Variants in ZBTB10 observed in about 807,000 individuals in gnomAD.
ZBTB10 encodes the protein zinc finger and BTB domain-containing protein 10.
Under a neutral mutation model 76.4 loss-of-function variants are expected in ZBTB10, and 32 were observed. The observed-to-expected ratio is 0.42, with a 90% confidence interval of 0.32 to 0.56. The LOEUF is 0.56. ZBTB10 is among the 20% of genes least tolerant of loss of function. The pLI, the probability that ZBTB10 is intolerant of heterozygous loss-of-function variation, is 0.14. For synonymous variants in ZBTB10, 523 were observed against 432.9 expected, an observed-to-expected ratio of 1.21 and a Z score of -2.58; for missense variants, 1,057 against 1,098.5, an observed-to-expected ratio of 0.96 and a Z score of 0.53.
chr8:80,499,804 A>G lies in ZBTB10; in HGVS notation c.1283A>G (p.Asn428Ser), dbSNP rs1443760153. Residue 428 changes from asparagine (N) to serine (S), a missense_variant, in exon 2 of 6, where the codon AAC (asparagine) becomes AGC (serine). By Grantham distance (46) the Asn-to-Ser change is conservative (BLOSUM62 1). Transcript: ENST00000455036. ...ATCTTGGACTTCTTGTATTCTGGTA[A>G]CCTGGTGCTCACAAGCCAAAATGCC... ...SVILDFLYSGNLVLTSQNAIE... is the reference protein window; with the variant it reads ...SVILDFLYSGSLVLTSQNAIE... 6.2e-7 allele frequency: 1 copy of G among 1,614,002 alleles called. No homozygotes were observed. Among genetic ancestry groups the G allele is most frequent in the South Asian group, 1.1e-5 (1 of 91,082 alleles).
rs565537022 is a variant in ZBTB10, at chr8:80,493,383, C to T, written c.972+5601C>T. Among the ~76,000 whole-genome samples, 8 of 152,196 alleles carry T rather than the reference C, an allele frequency of 5.3e-5. No individual in the cohort carries two copies. The South Asian group carries it at 1.5e-3, about 28-fold the overall frequency. On this transcript the variant is annotated intron_variant, in intron 1 of 5. Transcript: ENST00000455036. ...TGCTGAAAACATTAAATTTTATTGTCTTAACAAATGGGCAACAATAGCAGT... is the reference window on the plus strand; with the variant it reads ...TGCTGAAAACATTAAATTTTATTGTTTTAACAAATGGGCAACAATAGCAGT...
intron 3 of ZBTB10, among the ~76,000 whole-genome samples, chr8:80,514,539 T>C (rs1816280429): frequency 6.6e-6 from 1 of 152,138 alleles, no homozygotes; most frequent in Non-Finnish European, 1.5e-5. Context: ...ATTGGAAAAA[T>C]AGCTATTTTG....
Position 80,499,945 on chromosome 8 carries a change from T to C in ZBTB10, c.1424T>C (p.Val475Ala), listed in dbSNP as rs1320635188. ...ISIKSEAPES[V>A]VVDYNNRKPV... is the part of the protein sequence containing the mutation. Reference sequence around the variant, plus strand: ...ATTAAATCAGAAGCTCCAGAGTCTGTAGTTGTGGACTATAATAATAGAAAA... The same window carrying C: ...ATTAAATCAGAAGCTCCAGAGTCTGCAGTTGTGGACTATAATAATAGAAAA... Residue 475 changes from valine (V) to alanine (A), a missense_variant, in exon 2 of 6, where the codon GTA becomes GCA. Physicochemically the swap from Val to Ala is moderately conservative, Grantham distance 64 (BLOSUM62 0). This residue lies in a region of ZBTB10 where 306 missense variants were observed against 297.5 expected (regional missense o/e 1.03). Transcript: ENST00000455036. 1 of 1,613,968 alleles carries C rather than the reference T, an allele frequency of 6.2e-7. No homozygotes were observed.
At chr8:80,509,717 C>A (rs541308221) in intron 2 of ZBTB10, among the ~76,000 whole-genome samples, 5 of 152,130 alleles carry the variant, frequency 3.3e-5, no homozygotes, top group Non-Finnish European at 4.4e-5. Flanking sequence ...GAGATTTAGA[C>A]CAGTCTTTTA....
chr8:80,486,476 A>C lies in ZBTB10; in HGVS notation c.-335A>C. On this transcript the variant is annotated 5_prime_UTR_variant, in exon 1 of 6. Transcript: ENST00000455036. Reference sequence around the variant, plus strand: ...CCCCGCACTCCGCTGCTCAACTTCGAAGGCCTCGCTCGCTGCAGGCTCGCT... The same window carrying C: ...CCCCGCACTCCGCTGCTCAACTTCGCAGGCCTCGCTCGCTGCAGGCTCGCT... 1.0e-6 allele frequency: 1 copy of C among 985,024 alleles called. No homozygotes were observed. The highest frequency in any genetic ancestry group is 1.2e-6 in the Non-Finnish European group (1 of 829,944). The allele number at this position is 985,024 out of a possible 1,614,324, so 61.0% of individuals were successfully genotyped here. A position where few individuals can be genotyped will look rare whatever the true frequency, so the allele number is the denominator to read the frequency against.
In ZBTB10 at chr8:80,486,960, A is replaced by G; in HGVS notation, c.150A>G (p.Pro50=). The change falls in exon 1 of 6, where the codon CCA becomes CCG. Residue 50 remains proline, a synonymous_variant. Transcript: ENST00000455036. ...PQPQPRQPPP[P]APPALQPPNG... is the part of the protein sequence containing the mutation. ...CCCAGCCGAGACAGCCCCCGCCGCC[A>G]GCGCCGCCCGCGCTTCAGCCGCCTA... The G allele has an allele frequency of 6.6e-7, 1 of 1,512,240 alleles. No homozygotes were observed. The highest frequency in any genetic ancestry group is 8.8e-7 in the Non-Finnish European group (1 of 1,135,344). The allele number at this position is 1,512,240 out of a possible 1,614,324, so 93.7% of individuals were successfully genotyped here.
intron 3 of ZBTB10, among the ~76,000 whole-genome samples, chr8:80,517,114 A>G (rs968217812): frequency 4.6e-5 from 7 of 152,158 alleles, no homozygotes; most frequent in African/African-American, 1.7e-4. Context: ...GGATATTGAA[A>G]GTCTCTAGCT....
chr8:80,487,039 C>T lies in ZBTB10; in HGVS notation c.229C>T (p.Leu77=), dbSNP rs1201205285. ...VELEGLEPQD[L]EASAGPAAGA... ...ATTGGAGGGCCTGGAGCCCCAAGAC[C>T]TGGAGGCCTCCGCCGGGCCGGCCGC... Residue 77 remains leucine, a synonymous_variant, in exon 1 of 6, where the codon CTG becomes TTG. Coordinates refer to ENST00000455036, the MANE Select transcript of ZBTB10 (RefSeq NM_001105539.3). The T allele has an allele frequency of 2.6e-6, 4 of 1,520,106 alleles. No homozygotes were observed. The highest frequency in any genetic ancestry group is 2.6e-5 in the East Asian group (1 of 38,242). 94.2% of individuals were successfully genotyped at this position (1,520,106 alleles called of 1,614,324 possible).
In ZBTB10 at chr8:80,526,014, T is replaced by C. The variant is rs2131529205; in HGVS notation, c.*6486T>C. 1 of 152,258 alleles carries C rather than the reference T, an allele frequency of 6.6e-6. No individual in the cohort carries two copies. Among genetic ancestry groups the C allele is most frequent in the East Asian group, 1.9e-4 (1 of 5,178 alleles). The allele number at this position is 152,258 out of a possible 1,614,324, so 9.4% of individuals were successfully genotyped here. A position where few individuals can be genotyped will look rare whatever the true frequency, so the allele number is the denominator to read the frequency against. Reference sequence around the variant, plus strand: ...GATGTAATGACCAAATCCAACCTACTGCAAATGTTACTATGGAAATCTCAA... The same window carrying C: ...GATGTAATGACCAAATCCAACCTACCGCAAATGTTACTATGGAAATCTCAA... On this transcript the variant is annotated 3_prime_UTR_variant, in exon 6 of 6. Transcript: ENST00000455036.
intron 1 of ZBTB10, among the ~76,000 whole-genome samples, chr8:80,498,832 T>C (rs1815851660): frequency 6.6e-6 from 1 of 152,212 alleles, no homozygotes; most frequent in African/African-American, 2.4e-5. Context: ...TTCAGGAATT[T>C]TAATTTACCT....
Position 80,487,200 on chromosome 8 carries a change from CG to C in ZBTB10, c.395del (p.Gly132ValfsTer19). ...RTLAFRGGGG[G>X]GLGNNGSSRG... ...CTCTGGCCTTCCGAGGCGGCGGCGG[CG>C]GGGGTCTCGGCAACAATGGCAGTAG... On this transcript the variant is annotated frameshift_variant, in exon 1 of 6. Transcript: ENST00000455036. LOFTEE classifies it high-confidence loss of function. The C allele has an allele frequency of 1.3e-6, 2 of 1,536,302 alleles. No homozygotes were observed. The highest frequency in any genetic ancestry group is 8.7e-7 in the Non-Finnish European group (1 of 1,143,794).
chr8:80,486,340 C>A lies in ZBTB10; in HGVS notation c.-471C>A. 1.0e-6 allele frequency: 1 copy of A among 989,258 alleles called. No homozygotes were observed. The highest frequency in any genetic ancestry group is 1.2e-6 in the Non-Finnish European group (1 of 832,834). 61.3% of individuals were successfully genotyped at this position (989,258 alleles called of 1,614,324 possible). Reference sequence around the variant, plus strand: ...TTTAGCGTGCCTCTCACCCTCAGCGCCTGCGAAGCCGGCGGCGGCGTCGGG... The same window carrying A: ...TTTAGCGTGCCTCTCACCCTCAGCGACTGCGAAGCCGGCGGCGGCGTCGGG... On this transcript the variant is annotated 5_prime_UTR_variant, in exon 1 of 6. Coordinates refer to ENST00000455036, the MANE Select transcript of ZBTB10 (RefSeq NM_001105539.3).
intron 1 of ZBTB10, among the ~76,000 whole-genome samples, chr8:80,497,104 C>G (rs1356297302): frequency 6.6e-6 from 1 of 152,172 alleles, no homozygotes; most frequent in Non-Finnish European, 1.5e-5. Context: ...TGGAAAGTTA[C>G]ACTGTCCAAG....
At chr8:80,505,036 A>G (rs1043701969) in intron 2 of ZBTB10, among the ~76,000 whole-genome samples, 2 of 152,194 alleles carry the variant, frequency 1.3e-5, no homozygotes, top group African/African-American at 4.8e-5. Context: ...CATACTAGCA[A>G]CTTCTACCTA....
intron 2 of ZBTB10, among the ~76,000 whole-genome samples, chr8:80,500,921 A>G (rs1003525269): frequency 3.9e-5 from 6 of 152,114 alleles, no homozygotes; most frequent in Admixed American, 2.0e-4. Context: ...GTCTCACTCT[A>G]TAGCCCAGGC....
chr8:80,486,116 CCCCAG>C, upstream of ZBTB10: 4 of 469,714 alleles, frequency 8.5e-6, no homozygotes, highest in South Asian at 2.6e-5. Context: ...CCCCACCCCA[CCCCAG>C]CCCAGCCCCA....
In ZBTB10 at chr8:80,487,709, G is replaced by C. The variant is rs758092746; in HGVS notation, c.899G>C (p.Arg300Pro). The C allele has an allele frequency of 1.9e-6, 3 of 1,613,708 alleles. No individual in the cohort carries two copies. The highest frequency in any genetic ancestry group is 3.3e-5 in the Admixed American group (2 of 60,004). Residue 300 changes from arginine to proline, a missense_variant, in exon 1 of 6, where the codon CGC becomes CCC. Coordinates refer to ENST00000455036, the MANE Select transcript of ZBTB10 (RefSeq NM_001105539.3). ...VGHDELSRGT[R>P]NYKKTLLLRH... ...CATGATGAGCTTTCGCGAGGGACCC[G>C]CAACTACAAGAAAACCCTCCTCCTG...
At chr8:80,495,650 A>C (rs1254954340) in intron 1 of ZBTB10, among the ~76,000 whole-genome samples, 1 of 152,092 alleles carries the variant, frequency 6.6e-6, no homozygotes, top group Non-Finnish European at 1.5e-5. Flanking sequence ...CCTAGTGTAG[A>C]CCCTGGCCAA....
intron 1 of ZBTB10, among the ~76,000 whole-genome samples, chr8:80,498,548 T>G (rs1815844165): frequency 6.6e-6 from 1 of 152,194 alleles, no homozygotes; most frequent in African/African-American, 2.4e-5. Context: ...CAGCTCTGCC[T>G]TGAGGGAGCT....
Sources: gnomAD v4.1 joint callset for allele counts (sites outside exome capture counted in the v4.1 genomes callset) on GRCh38, gnomAD v4.1.1 for gene constraint, gnomAD v4.1.1 regional missense constraint, MANE v1.5 for transcripts, NCBI Gene and HGNC (gene_info 2026-07-23, HGNC 2026-07-21) for gene names.